PNKD: variants seen among roughly 807,000 people sequenced by gnomAD.
PNKD encodes the protein PNKD metallo-beta-lactamase domain containing.
Under a neutral mutation model 45.3 loss-of-function variants are expected in PNKD, and 36 were observed. That is an observed-to-expected ratio of 0.80 (90% CI 0.61 to 1.05). PNKD has a LOEUF of 1.05. Among genes scored for constraint, PNKD ranks in the 50% least tolerant of loss-of-function variants. PNKD has a pLI of 0.00. For synonymous variants in PNKD, 197 were observed against 210.1 expected (o/e 0.94, Z 0.54); for missense variants, 511 against 506.6 (o/e 1.01, Z -0.08).
At chr2:218,309,003 C>T (rs770709453) in intron 2 of PNKD, among the ~76,000 whole-genome samples, 35 of 152,004 alleles carry the variant, frequency 2.3e-4, no homozygotes, top group Non-Finnish European at 4.3e-4. Context: ...TCATGTCTCA[C>T]TGCAATCTTG....
At chr2:218,275,703 G>T in intron 2 of PNKD, 1 of 1,525,462 alleles carries the variant, frequency 6.6e-7, no homozygotes, top group South Asian at 1.3e-5. Flanking sequence ...TTGTCTTGGG[G>T]GCCTATGCGC....
At chr2:218,314,647 A>G (rs1331852843) in intron 2 of PNKD, among the ~76,000 whole-genome samples, 1 of 150,538 alleles carries the variant, frequency 6.6e-6, no homozygotes, top group Non-Finnish European at 1.5e-5. Flanking sequence ...TAAGGTCTGT[A>G]ATCACTCCTT....
intron 2 of PNKD, among the ~76,000 whole-genome samples, chr2:218,294,698 G>T (rs1215925189): frequency 6.6e-6 from 1 of 152,126 alleles, no homozygotes; most frequent in Non-Finnish European, 1.5e-5. Flanking sequence ...CGCTGGTCTT[G>T]AACTCCTGGG....
At chr2:218,281,910 C>T in intron 2 of PNKD, 1 of 1,549,524 alleles carries the variant, frequency 6.5e-7, no homozygotes, top group African/African-American at 1.4e-5. Context: ...TCCCTCCCAC[C>T]CACCTTCCAT....
intron 2 of PNKD, among the ~76,000 whole-genome samples, chr2:218,324,914 C>A: frequency 6.9e-6 from 1 of 144,836 alleles, no homozygotes; most frequent in African/African-American, 2.6e-5. Flanking sequence ...CCAGCCTGGG[C>A]GACAGAGTGA....
chr2:218,344,680 C>A, intron 9 of PNKD, 110 bp downstream of exon 9: 1 of 1,388,588 alleles, frequency 7.2e-7, no homozygotes. Flanking sequence ...ACTCTGACCT[C>A]TTTGGCCCAT....
chr2:218,336,344 G>A (rs1284783343), intron 2 of PNKD, among the ~76,000 whole-genome samples: 1 of 151,890 alleles, frequency 6.6e-6, no homozygotes, highest in African/African-American at 2.4e-5. Context: ...TAAGTAAGAA[G>A]CATTTAAATT....
intron 2 of PNKD, among the ~76,000 whole-genome samples, chr2:218,281,193 G>C (rs71415828): frequency 7.2e-6 from 1 of 138,962 alleles, no homozygotes; most frequent in Admixed American, 7.8e-5. Context: ...AAGTGCAGTA[G>C]TGCGATCCTG....
intron 2 of PNKD, among the ~76,000 whole-genome samples, chr2:218,285,280 C>T (rs370979536): frequency 2.6e-3 from 389 of 152,280 alleles, no homozygotes; most frequent in South Asian, 6.0e-3. Flanking sequence ...GCCAAGATAA[C>T]CTAGCTAGAG....
In PNKD at chr2:218,333,890, G is replaced by C. The variant is rs1274182878; in HGVS notation, c.237-5893G>C. On this transcript the variant is annotated intron_variant, in intron 2 of 9. Coordinates refer to ENST00000273077, the MANE Select transcript of PNKD (RefSeq NM_015488.5). ...AACACTTTGGGAGGCCAAGGCGGGT[G>C]GATCACCTGAAGTCAGGAGTTCCAG... is the stretch of plus-strand genomic sequence containing the variant. Among the ~76,000 whole-genome samples the C allele has an allele frequency of 5.3e-5, 8 of 150,660 alleles. No homozygotes were observed. The Admixed American group carries it at 5.3e-4, about 10-fold the overall frequency.
Position 218,342,101 on chromosome 2 carries a change from C to T in PNKD, c.738C>T (p.Pro246=), listed in dbSNP as rs1276012935. Residue 246 remains proline (P), a synonymous_variant, in exon 7 of 10, where the codon CCC becomes CCT. Coordinates refer to ENST00000273077, the MANE Select transcript of PNKD (RefSeq NM_015488.5). ...TGGATGGGGAGCCCTACAAGGGTCC[C>T]TCCTGCCTCTTCTCAGGGGACCTGC... ...YLLDGEPYKG[P]SCLFSGDLLF... The T allele has an allele frequency of 6.2e-7, 1 of 1,613,946 alleles. No homozygotes were observed. The highest frequency in any genetic ancestry group is 1.3e-5 in the African/African-American group (1 of 75,058).
intron 2 of PNKD, among the ~76,000 whole-genome samples, chr2:218,291,949 C>T (rs894466448): frequency 1.3e-5 from 2 of 151,466 alleles, no homozygotes; most frequent in Non-Finnish European, 2.9e-5. Context: ...ACCCCCCCTT[C>T]CCCACCCCTT....
intron 9 of PNKD, 51 bp downstream of exon 9, chr2:218,344,621 A>G (rs1477494392): frequency 1.3e-6 from 2 of 1,506,902 alleles, no homozygotes; most frequent in Non-Finnish European, 1.8e-6. Context: ...ACTCAGCCCC[A>G]ACGGGAACCC....
At chr2:218,279,323 T>C (rs910833975) in intron 2 of PNKD, 2 of 1,587,916 alleles carry the variant, frequency 1.3e-6, no homozygotes, top group African/African-American at 2.7e-5. Context: ...GCCACAGTGA[T>C]GAGCAGCTGC....
intron 2 of PNKD, among the ~76,000 whole-genome samples, chr2:218,339,309 A>C: frequency 6.6e-6 from 1 of 151,406 alleles, no homozygotes; most frequent in Admixed American, 6.6e-5. Context: ...CCTGGGCTGC[A>C]GTGCAGTGGT....
In PNKD at chr2:218,326,669, T is replaced by C. The variant is rs1037070140; in HGVS notation, c.237-13114T>C. On this transcript the variant is annotated intron_variant, in intron 2 of 9. Coordinates refer to ENST00000273077, the MANE Select transcript of PNKD (RefSeq NM_015488.5). This position sits in a 1 kb window ranked among gnomAD's most constrained non-coding sequence, Gnocchi z 4.1. ...CTGGAGTTGGGTGGGAGAGTATCTA[T>C]GGCCCTGTGTCCTTCTGGAGCTTCC... 2.0e-5 allele frequency among the ~76,000 whole-genome samples: 3 copies of C among 152,146 alleles called. No homozygotes were observed. Among genetic ancestry groups the C allele is most frequent in the Non-Finnish European group, 2.9e-5 (2 of 68,024 alleles).
Position 218,340,562 on chromosome 2 carries a change from G to A in PNKD, c.466-166G>A, listed in dbSNP as rs1041399839. Among the ~76,000 whole-genome samples, 6 of 151,782 alleles carry A rather than the reference G, an allele frequency of 4.0e-5. No homozygotes were observed. The highest frequency in any genetic ancestry group is 4.2e-4 in the South Asian group (2 of 4,800). ...GTGTCCCTCTGCCTCCATGTGCCCC[G>A]TGCTTCACATTCCTGGATCTCTCCC... On this transcript the variant is annotated intron_variant, in intron 4 of 9. Transcript: ENST00000273077. This position sits in a 1 kb window ranked among gnomAD's most constrained non-coding sequence, Gnocchi z 4.2.
intron 2 of PNKD, among the ~76,000 whole-genome samples, chr2:218,306,119 G>A (rs1353012829): frequency 6.6e-6 from 1 of 152,202 alleles, no homozygotes; most frequent in African/African-American, 2.4e-5. Context: ...GATCAGGGCA[G>A]GCTGGCAGAC....
At chr2:218,275,600 G>C in intron 2 of PNKD, 2 of 1,613,140 alleles carry the variant, frequency 1.2e-6, no homozygotes, top group Non-Finnish European at 1.7e-6. Flanking sequence ...CCCAGGACCA[G>C]CTGTGTGTCG....
Sources: gnomAD v4.1 joint callset for allele counts (sites outside exome capture counted in the v4.1 genomes callset) on GRCh38, gnomAD v4.1.1 for gene constraint, Gnocchi (gnomAD v3.1) non-coding constraint, MANE v1.5 for transcripts, NCBI Gene and HGNC (gene_info 2026-07-23, HGNC 2026-07-21) for gene names.